GRM7: variants seen among roughly 807,000 people sequenced by gnomAD.
GRM7 encodes the protein glutamate metabotropic receptor 7.
In GRM7, 35 loss-of-function variants were observed where a neutral mutation model predicts 84.5. The observed-to-expected ratio is 0.41, with a 90% CI of 0.32 to 0.55. The LOEUF is 0.55. Among genes scored for constraint, GRM7 ranks in the 20% least tolerant of loss-of-function variants. The pLI, the probability that GRM7 is intolerant of heterozygous loss-of-function variation, is 0.19. For missense variants in GRM7, 1,003 were observed against 1,194.6 expected (o/e 0.84, Z 2.36); for synonymous variants, 487 against 455.1 (o/e 1.07, Z -0.89).
At chr3:7,187,841 C>A (rs1695572744) in intron 2 of GRM7, among the ~76,000 whole-genome samples, 1 of 152,118 alleles carries the variant, frequency 6.6e-6, no homozygotes, top group Non-Finnish European at 1.5e-5. Flanking sequence ...AATCTTCTTC[C>A]TTCCCAGCCC....
At chr3:7,260,131 T>A (rs1698365470) in intron 2 of GRM7, among the ~76,000 whole-genome samples, 1 of 151,998 alleles carries the variant, frequency 6.6e-6, no homozygotes. Context: ...TGCCCACTTT[T>A]CAATGTTTTT....
chr3:7,547,647 T>G (rs1479496663), intron 7 of GRM7, among the ~76,000 whole-genome samples: 1 of 152,196 alleles, frequency 6.6e-6, no homozygotes, highest in Non-Finnish European at 1.5e-5. Flanking sequence ...GTGTGCCAGA[T>G]ATCAGTAATT....
chr3:6,905,188 T>G (rs530110576), intron 1 of GRM7, among the ~76,000 whole-genome samples: 40 of 152,332 alleles, frequency 2.6e-4, no homozygotes, highest in African/African-American at 9.4e-4. Context: ...ATTTAACTTA[T>G]AGATTAATAT....
At chr3:7,135,455 A>T (rs1187360079) in intron 1 of GRM7, among the ~76,000 whole-genome samples, 1 of 152,178 alleles carries the variant, frequency 6.6e-6, no homozygotes, top group Middle Eastern at 3.2e-3. Flanking sequence ...TACTTTCAAA[A>T]ATTCGCCTTT....
intron 2 of GRM7, among the ~76,000 whole-genome samples, chr3:7,244,076 C>T (rs964413640): frequency 2.0e-5 from 3 of 152,086 alleles, no homozygotes; most frequent in African/African-American, 7.2e-5. Context: ...TGTTACTATA[C>T]ACCACTGTAG....
intron 2 of GRM7, among the ~76,000 whole-genome samples, chr3:7,154,136 A>G (rs1694372214): frequency 6.6e-6 from 1 of 152,234 alleles, no homozygotes; most frequent in South Asian, 2.1e-4. Flanking sequence ...TTGTCTTCCA[A>G]GCAATGTGGT....
chr3:7,146,040 CACAAGCTGTGCT>C (rs1694100583), intron 1 of GRM7, among the ~76,000 whole-genome samples: 1 of 152,196 alleles, frequency 6.6e-6, no homozygotes, highest in Non-Finnish European at 1.5e-5. Flanking sequence ...ACCCAGTATT[CACAAGCTGTGCT>C]AACTAAACCA....
chr3:7,506,729 T>C (rs963167323), intron 7 of GRM7, among the ~76,000 whole-genome samples: 3 of 152,176 alleles, frequency 2.0e-5, no homozygotes, highest in African/African-American at 7.2e-5. Flanking sequence ...GAGAGTCAGA[T>C]ACAGTTTATT....
intron 2 of GRM7, among the ~76,000 whole-genome samples, chr3:7,237,388 A>G (rs992708955): frequency 6.6e-5 from 10 of 152,166 alleles, no homozygotes; most frequent in African/African-American, 2.2e-4. Context: ...CAGATGGTAG[A>G]AATAACACCA....
chr3:7,535,682 G>A (rs1192314490), intron 7 of GRM7, among the ~76,000 whole-genome samples: 1 of 152,212 alleles, frequency 6.6e-6, no homozygotes, highest in Non-Finnish European at 1.5e-5. Flanking sequence ...TACTCTTCAT[G>A]CACAGGGAGA....
chr3:7,291,915 C>G (rs1699643932), intron 2 of GRM7, among the ~76,000 whole-genome samples: 1 of 152,152 alleles, frequency 6.6e-6, no homozygotes, highest in South Asian at 2.1e-4. Flanking sequence ...TTCCCCCATA[C>G]TGTTCTCATG....
chr3:7,340,025 T>C (rs1701577718), intron 4 of GRM7, among the ~76,000 whole-genome samples: 1 of 152,170 alleles, frequency 6.6e-6, no homozygotes, highest in Non-Finnish European at 1.5e-5. Flanking sequence ...CAGAGTATAG[T>C]AATATTATTA....
At chr3:7,223,763 T>A (rs1238348815) in intron 2 of GRM7, among the ~76,000 whole-genome samples, 1 of 152,152 alleles carries the variant, frequency 6.6e-6, no homozygotes, top group Non-Finnish European at 1.5e-5. Flanking sequence ...GAGAGCCGAA[T>A]AATAGAAATA....
At chr3:7,108,462 A>G (rs932138368) in intron 1 of GRM7, among the ~76,000 whole-genome samples, 11 of 150,624 alleles carry the variant, frequency 7.3e-5, no homozygotes, top group Admixed American at 5.3e-4. Context: ...GCTTGCTTCA[A>G]CTGTGACTTT....
At chr3:6,967,213 G>A (rs1693555828) in intron 1 of GRM7, among the ~76,000 whole-genome samples, 1 of 151,968 alleles carries the variant, frequency 6.6e-6, no homozygotes, top group Admixed American at 6.6e-5. Context: ...TTTGGAGACA[G>A]AGTCTGGCTC....
rs114183289 is a variant in GRM7, at chr3:7,623,387, T to C, written c.2451+44030T>C. Among the ~76,000 whole-genome samples the C allele has an allele frequency of 5.9e-3, 904 of 152,274 alleles. 14 individuals are homozygous for C. Among genetic ancestry groups the C allele is most frequent in the African/African-American group, 0.021 (860 of 41,570 alleles). ...TGGAGAATGAACTCTGCTTCATGTA[T>C]CTTAAATTTTTTAACTACAAACAAA... is the stretch of plus-strand genomic sequence containing the variant. On this transcript the variant is annotated intron_variant, in intron 8 of 9. Transcript: ENST00000357716.
intron 8 of GRM7, among the ~76,000 whole-genome samples, chr3:7,608,860 A>T (rs1242277290): frequency 1.3e-5 from 2 of 152,142 alleles, no homozygotes; most frequent in Non-Finnish European, 2.9e-5. Flanking sequence ...TTTACATTTA[A>T]GTCATTAATC....
chr3:6,985,066 C>CT (rs1295435448), intron 1 of GRM7, among the ~76,000 whole-genome samples: 2 of 152,046 alleles, frequency 1.3e-5, no homozygotes, highest in African/African-American at 4.8e-5. Context: ...ATTTTCTTTC[C>CT]TTTTTTTCGT....
chr3:7,062,525 C>T (rs1697465033), intron 1 of GRM7, among the ~76,000 whole-genome samples: 1 of 151,696 alleles, frequency 6.6e-6, no homozygotes, highest in Non-Finnish European at 1.5e-5. Flanking sequence ...GTGGTCTCTG[C>T]AATTTAATAC....
Sources: gnomAD v4.1 joint callset for allele counts (sites outside exome capture counted in the v4.1 genomes callset) on GRCh38, gnomAD v4.1.1 for gene constraint, MANE v1.5 for transcripts, NCBI Gene and HGNC (gene_info 2026-07-23, HGNC 2026-07-21) for gene names.